MAF: variants seen among roughly 807,000 people sequenced by gnomAD.
MAF encodes the protein MAF bZIP transcription factor, also known as transcription factor Maf.
MAF carries 10 observed loss-of-function variants against 22.0 expected under a neutral mutation model. That is an observed-to-expected ratio of 0.45 (90% CI 0.28 to 0.77). MAF has a LOEUF of 0.77. Ranked by LOEUF, MAF falls within the 30% of genes least tolerant of loss-of-function variation. The probability of loss-of-function intolerance (pLI) is 0.12; values close to 1 mark genes in which losing one functional copy is unlikely to be tolerated. For synonymous variants in MAF, 337 were observed against 255.8 expected (o/e 1.32, Z -3.03); for missense variants, 544 against 548.4 (o/e 0.99, Z 0.08).
the MAF span, among the ~76,000 whole-genome samples, chr16:79,253,958 T>A: frequency 5.3e-5 from 8 of 152,192 alleles, no homozygotes; most frequent in South Asian, 1.7e-3. Context: ...TGCCATGCAG[T>A]TGTCCCCAAC....
At chr16:79,430,507 G>A in the MAF span, among the ~76,000 whole-genome samples, 1 of 152,320 alleles carries the variant, frequency 6.6e-6, no homozygotes, top group East Asian at 1.9e-4. Flanking sequence ...CCTCATTCCT[G>A]GCTCATTTCC....
chr16:79,236,268 G>T, the MAF span, among the ~76,000 whole-genome samples: 2 of 152,072 alleles, frequency 1.3e-5, no homozygotes, highest in Admixed American at 1.3e-4. Flanking sequence ...CCTGGTTAAT[G>T]TTGGTGTTTG....
At chr16:79,298,579 G>C in the MAF span, among the ~76,000 whole-genome samples, 4 of 152,230 alleles carry the variant, frequency 2.6e-5, no homozygotes. Flanking sequence ...AGGTTAAGAA[G>C]CAGTGGGCAG....
chr16:79,339,395 C>T, the MAF span, among the ~76,000 whole-genome samples: 1 of 152,154 alleles, frequency 6.6e-6, no homozygotes, highest in Non-Finnish European at 1.5e-5. Flanking sequence ...GTGCCTTCTC[C>T]ATGCTCTTCT....
chr16:79,540,007 G>A, the MAF span, among the ~76,000 whole-genome samples: 2 of 152,096 alleles, frequency 1.3e-5, no homozygotes, highest in African/African-American at 2.4e-5. Flanking sequence ...AACATAGCCA[G>A]GTGAGTCTCT....
At chr16:79,509,355 A>G in the MAF span, among the ~76,000 whole-genome samples, 8 of 152,238 alleles carry the variant, frequency 5.3e-5, no homozygotes, top group African/African-American at 1.9e-4. Context: ...GGAAGCCACA[A>G]GAAGCGGGGC....
At chr16:79,213,675 A>ACCGGCAT in the MAF span, among the ~76,000 whole-genome samples, 2 of 151,954 alleles carry the variant, frequency 1.3e-5, no homozygotes, top group East Asian at 3.9e-4. Flanking sequence ...CACTCCCAGA[A>ACCGGCAT]CCGGCATCCA....
chr16:79,316,548 T>A, the MAF span, among the ~76,000 whole-genome samples: 1 of 151,308 alleles, frequency 6.6e-6, no homozygotes, highest in African/African-American at 2.5e-5. Context: ...CTAAAGCATC[T>A]TTTTTTTCAG....
chr16:79,239,875 C>G, the MAF span, among the ~76,000 whole-genome samples: 4 of 151,960 alleles, frequency 2.6e-5, no homozygotes, highest in Non-Finnish European at 4.4e-5. Context: ...AAGCACAGCC[C>G]TCAACTTTAG....
At chr16:79,488,668 G>C in the MAF span, among the ~76,000 whole-genome samples, 1,030 of 152,114 alleles carry the variant, frequency 6.8e-3, 13 homozygotes, top group African/African-American at 0.024. Context: ...CTTCAAGTTA[G>C]GCAGCTTTCA....
chr16:79,502,643 G>A, the MAF span, among the ~76,000 whole-genome samples: 2 of 146,178 alleles, frequency 1.4e-5, no homozygotes, highest in South Asian at 2.1e-4. Flanking sequence ...TCCAGCCTAG[G>A]TAACAGAGTT....
At chr16:79,301,000 AAG>A in the MAF span, among the ~76,000 whole-genome samples, 12 of 152,170 alleles carry the variant, frequency 7.9e-5, no homozygotes, top group African/African-American at 2.6e-4. Context: ...ACGGGAATAA[AAG>A]AGAGGAAAGG....
the MAF span, among the ~76,000 whole-genome samples, chr16:79,220,976 G>C: frequency 6.6e-6 from 1 of 152,200 alleles, no homozygotes; most frequent in Admixed American, 6.5e-5. Context: ...CAAGACAGAA[G>C]AGGACAGGAG....
the MAF span, among the ~76,000 whole-genome samples, chr16:79,322,738 CA>C: frequency 2.0e-5 from 3 of 151,788 alleles, no homozygotes; most frequent in Non-Finnish European, 2.9e-5. Context: ...AAGGTCGTGG[CA>C]GGGGGTATAA....
the MAF span, among the ~76,000 whole-genome samples, chr16:79,568,747 A>C: frequency 6.6e-6 from 1 of 152,194 alleles, no homozygotes; most frequent in African/African-American, 2.4e-5. Context: ...ACAAATTGAG[A>C]AGTAGTAAGT....
At chr16:79,483,213 C>T in the MAF span, among the ~76,000 whole-genome samples, 1 of 1,836 alleles carries the variant, frequency 5.4e-4, no homozygotes, top group African/African-American at 3.2e-3. Context: ...TCCCTCCTTC[C>T]CTCCCTCCCC....
chr16:79,219,548 CAAAAAAAAAAAAAAAAA>C, the MAF span, among the ~76,000 whole-genome samples: 22 of 64,734 alleles, frequency 3.4e-4, no homozygotes, highest in Non-Finnish European at 5.7e-5. Context: ...GACTCTGCCT[CAAAAAAAAAAAAAAAAA>C]AAAAAAAAAA....
the MAF span, among the ~76,000 whole-genome samples, chr16:79,314,034 G>A: frequency 6.6e-6 from 1 of 152,162 alleles, no homozygotes; most frequent in Non-Finnish European, 1.5e-5. Context: ...ACTACTTGCG[G>A]CCAGAATTTT....
chr16:79,287,773 C>T, the MAF span, among the ~76,000 whole-genome samples: 2 of 151,686 alleles, frequency 1.3e-5, no homozygotes, highest in African/African-American at 2.4e-5. Context: ...ATTTATTCAC[C>T]CATTCATTCA....
Sources: gnomAD v4.1 joint callset for allele counts (sites outside exome capture counted in the v4.1 genomes callset) on GRCh38, gnomAD v4.1.1 for gene constraint, MANE v1.5 for transcripts, NCBI Gene and HGNC (gene_info 2026-07-23, HGNC 2026-07-21) for gene names.